The following CSNK1G3 variants were observed in gnomAD, a reference collection of about 807,000 sequenced individuals.
The protein encoded by CSNK1G3 is casein kinase 1 gamma 3.
CSNK1G3 carries 23 observed loss-of-function variants against 64.3 expected under a neutral mutation model. The observed-to-expected ratio is 0.36, with a 90% CI of 0.26 to 0.51. The LOEUF (loss-of-function observed/expected upper bound fraction) is 0.51, where lower values mean the gene tolerates loss of function less well. Ranked by LOEUF, CSNK1G3 falls within the 20% of genes least tolerant of loss-of-function variation. CSNK1G3 has a pLI of 0.96. For synonymous variants in CSNK1G3, 158 were observed against 162.2 expected (o/e 0.97, Z 0.20); for missense variants, 357 against 510.5 (o/e 0.70, Z 2.90).
chr5:123,602,842 C>T (rs369037766), intron 10 of CSNK1G3, among the ~76,000 whole-genome samples: 1 of 152,054 alleles, frequency 6.6e-6, no homozygotes, highest in South Asian at 2.1e-4. Flanking sequence ...ATGATGGCCA[C>T]CATTTATTGA....
Position 123,533,261 on chromosome 5 carries a change from C to T in CSNK1G3, c.-247-12156C>T, listed in dbSNP as rs568399635. 7.9e-5 allele frequency among the ~76,000 whole-genome samples: 12 copies of T among 151,994 alleles called. No individual in the cohort carries two copies. The South Asian group carries it at 2.5e-3, about 32-fold the overall frequency. On this transcript the variant is annotated intron_variant, in intron 1 of 12. Coordinates refer to ENST00000345990, the Ensembl canonical transcript of CSNK1G3. ...TTCCCATTAACAGCTGAGCTTCTGT[C>T]AGTTTCAATTGTAGTATTATTTTAA...
intron 6 of CSNK1G3, among the ~76,000 whole-genome samples, chr5:123,578,577 G>T (rs561927823): frequency 5.9e-5 from 9 of 151,700 alleles, no homozygotes; most frequent in African/African-American, 2.2e-4. Flanking sequence ...TTTCTTAATG[G>T]TATCTTTTGA....
At chr5:123,531,049 A>G (rs972412088) in intron 1 of CSNK1G3, among the ~76,000 whole-genome samples, 2 of 152,070 alleles carry the variant, frequency 1.3e-5, no homozygotes, top group African/African-American at 2.4e-5. Flanking sequence ...TTTTATTGAG[A>G]CTGAATAAAG....
At chr5:123,581,005 T>C (rs1790135113) in intron 6 of CSNK1G3, among the ~76,000 whole-genome samples, 1 of 151,946 alleles carries the variant, frequency 6.6e-6, no homozygotes, top group Admixed American at 6.6e-5. Context: ...TTCTGTGCTA[T>C]CATTCTGTGG....
chr5:123,580,859 A>G (rs7721207), intron 6 of CSNK1G3, among the ~76,000 whole-genome samples: 2,994 of 151,966 alleles, frequency 0.02, 105 homozygotes, highest in African/African-American at 0.069. Context: ...GAATAAAAAA[A>G]CTAGGATTTG....
At chr5:123,535,047 T>C (rs1780568866) in intron 1 of CSNK1G3, among the ~76,000 whole-genome samples, 1 of 152,088 alleles carries the variant, frequency 6.6e-6, no homozygotes, top group Non-Finnish European at 1.5e-5. Context: ...CCATATGCAT[T>C]GGTAATAAAA....
At chr5:123,592,798 A>G (rs1015066676) in intron 10 of CSNK1G3, among the ~76,000 whole-genome samples, 6 of 151,848 alleles carry the variant, frequency 4.0e-5, no homozygotes, top group Non-Finnish European at 8.8e-5. Context: ...TTTTTGACTT[A>G]GAAAAATTGG....
chr5:123,590,600 TG>T, intron 9 of CSNK1G3, 42 bp downstream of exon 9: 1 of 1,252,102 alleles, frequency 8.0e-7, no homozygotes. Flanking sequence ...CAGTATCTGT[TG>T]CCTTTTTAAT....
intron 1 of CSNK1G3, among the ~76,000 whole-genome samples, chr5:123,514,493 A>G (rs530485480): frequency 6.6e-6 from 1 of 152,366 alleles, no homozygotes; most frequent in South Asian, 2.1e-4. Flanking sequence ...TGGGTAGAAT[A>G]TGAAGATGAA....
At chr5:123,585,892 A>C (rs184538084) in intron 6 of CSNK1G3, among the ~76,000 whole-genome samples, 6 of 152,340 alleles carry the variant, frequency 3.9e-5, no homozygotes, top group African/African-American at 1.4e-4. Context: ...GAAGTTTTTT[A>C]TAAAGTTAAA....
At position 123,532,867 on chromosome 5, in the gene CSNK1G3, T is replaced by C. The variant is rs1780156277; in HGVS notation, c.-247-12550T>C. ...GCAATAGTCTCTTGCCCTTTATTTC[T>C]AGTCTTTGAATTTTTCAGTAGATAG... is the stretch of plus-strand genomic sequence containing the variant. On this transcript the variant is annotated intron_variant, in intron 1 of 12. Transcript: ENST00000345990. Among the ~76,000 whole-genome samples the C allele has an allele frequency of 2.0e-5, 3 of 152,054 alleles. No individual in the cohort carries two copies. The South Asian group carries it at 6.2e-4, about 31-fold the overall frequency.
At chr5:123,599,081 AT>A (rs1455043568) in intron 10 of CSNK1G3, among the ~76,000 whole-genome samples, 7 of 152,208 alleles carry the variant, frequency 4.6e-5, no homozygotes, top group Non-Finnish European at 1.0e-4. Context: ...GTAATCTCTA[AT>A]TCCATTTTAG....
chr5:123,573,993 G>T (rs770793571), intron 5 of CSNK1G3, among the ~76,000 whole-genome samples: 10 of 151,978 alleles, frequency 6.6e-5, no homozygotes, highest in Non-Finnish European at 1.5e-4. Flanking sequence ...GGGACAACAG[G>T]TGCATGCCAC....
At chr5:123,565,425 C>T (rs1048796519) in intron 4 of CSNK1G3, among the ~76,000 whole-genome samples, 15 of 151,866 alleles carry the variant, frequency 9.9e-5, no homozygotes, top group African/African-American at 3.6e-4. Flanking sequence ...GCAAAATTAC[C>T]CTAAAAAAAA....
intron 1 of CSNK1G3, among the ~76,000 whole-genome samples, chr5:123,536,212 T>C (rs1780773875): frequency 6.6e-6 from 1 of 152,100 alleles, no homozygotes; most frequent in Non-Finnish European, 1.5e-5. Context: ...GTAATGATTC[T>C]CTCTGACAAG....
chr5:123,513,000 G>A (rs961998957), intron 1 of CSNK1G3, among the ~76,000 whole-genome samples: 38 of 152,094 alleles, frequency 2.5e-4, no homozygotes, highest in African/African-American at 8.7e-4. Flanking sequence ...TTTGGAGTAG[G>A]GGCTTCAGGC....
chr5:123,555,336 A>C lies in CSNK1G3; in HGVS notation c.220-2159A>C, dbSNP rs376516140. Among the ~76,000 whole-genome samples the C allele has an allele frequency of 3.9e-5, 6 of 152,282 alleles. No homozygotes were observed. The South Asian group carries it at 8.3e-4, about 21-fold the overall frequency. ...CACATACATTGTTGAATGATAGTTCATGATTTCCTTATATGTTTTTTCATT... is the reference window on the plus strand; with the variant it reads ...CACATACATTGTTGAATGATAGTTCCTGATTTCCTTATATGTTTTTTCATT... On this transcript the variant is annotated intron_variant, in intron 3 of 12. Coordinates refer to ENST00000345990, the Ensembl canonical transcript of CSNK1G3.
intron 7 of CSNK1G3, 132 bp downstream of exon 7, chr5:123,588,285 CA>C: frequency 4.9e-6 from 5 of 1,021,366 alleles, no homozygotes; most frequent in Non-Finnish European, 7.6e-6. Context: ...CTGTGTTGCC[CA>C]GGCTGGTCTC....
rs538791313 is a variant in CSNK1G3, at chr5:123,596,918, A to G, written c.1086+5504A>G. On this transcript the variant is annotated intron_variant, in intron 10 of 12. Transcript: ENST00000345990. ...CTTCCCACTCCAAAATAAAGACTGAATTCATTTATAATTTATGTCCTATAC... is the reference window on the plus strand; with the variant it reads ...CTTCCCACTCCAAAATAAAGACTGAGTTCATTTATAATTTATGTCCTATAC... Among the ~76,000 whole-genome samples, 6 of 152,124 alleles carry G rather than the reference A, an allele frequency of 3.9e-5. 1 individual carries two copies. Among genetic ancestry groups the G allele is most frequent in the Non-Finnish European group, 8.8e-5 (6 of 67,980 alleles).
Sources: allele counts gnomAD v4.1 joint callset (sites outside exome capture counted in the v4.1 genomes callset), GRCh38; gene constraint gnomAD v4.1.1; transcripts MANE v1.5; gene names NCBI Gene and HGNC (gene_info 2026-07-23, HGNC 2026-07-21).